The following CTNNA3 variants were observed in gnomAD, a reference collection of about 807,000 sequenced individuals.
CTNNA3 encodes catenin alpha-3.
A neutral mutation model predicts 95.7 loss-of-function variants in CTNNA3; 76 were observed. The ratio of observed to expected loss-of-function variants is 0.79; its 90% CI spans 0.66 to 0.96. The LOEUF is 0.96. CTNNA3 is among the 40% of genes least tolerant of loss of function. The pLI, the probability that CTNNA3 is intolerant of heterozygous loss-of-function variation, is 0.00. For missense variants in CTNNA3, 1,191 were observed against 1,089.8 expected, an observed-to-expected ratio of 1.09 and a Z score of -1.31; for synonymous variants, 431 against 374.4, an observed-to-expected ratio of 1.15 and a Z score of -1.74.
intron 1 of CTNNA3, among the ~76,000 whole-genome samples, chr10:67,649,256 A>C (rs1180858134): frequency 6.6e-6 from 1 of 152,234 alleles, no homozygotes; most frequent in Non-Finnish European, 1.5e-5. Context: ...CAGCCTTTAA[A>C]AACATGTCAT....
chr10:67,085,786 G>T (rs766899391), intron 7 of CTNNA3, among the ~76,000 whole-genome samples: 1 of 151,796 alleles, frequency 6.6e-6, no homozygotes, highest in Non-Finnish European at 1.5e-5. Context: ...TTACTAATAC[G>T]CAAGCCTGCA....
chr10:66,386,912 G>T (rs1279898962), intron 11 of CTNNA3, among the ~76,000 whole-genome samples: 1 of 152,132 alleles, frequency 6.6e-6, no homozygotes. Context: ...GCTAACACTG[G>T]ATCCCTTCCT....
chr10:66,819,341 A>C (rs1842215951), intron 7 of CTNNA3, among the ~76,000 whole-genome samples: 1 of 152,182 alleles, frequency 6.6e-6, no homozygotes, highest in South Asian at 2.1e-4. Flanking sequence ...AATCTAACTT[A>C]AAACGAATCA....
At chr10:66,803,245 C>G (rs1371536072) in intron 7 of CTNNA3, among the ~76,000 whole-genome samples, 2 of 152,058 alleles carry the variant, frequency 1.3e-5, no homozygotes, top group South Asian at 2.1e-4. Context: ...TTTCCTACCT[C>G]TAACTCTCAT....
At chr10:66,162,167 T>G (rs1212715061) in intron 13 of CTNNA3, among the ~76,000 whole-genome samples, 1 of 152,140 alleles carries the variant, frequency 6.6e-6, no homozygotes, top group East Asian at 1.9e-4. Flanking sequence ...CCTCCCTGAT[T>G]CATTTAATAA....
At chr10:66,692,347 G>A (rs1356148956) in intron 9 of CTNNA3, among the ~76,000 whole-genome samples, 1 of 152,148 alleles carries the variant, frequency 6.6e-6, no homozygotes, top group Non-Finnish European at 1.5e-5. Flanking sequence ...TGATCAACTG[G>A]AAGAAAGGGT....
rs1178103775 is a variant in CTNNA3, at chr10:67,726,438, TA to T, written c.-2+36995del. On this transcript the variant is annotated intron_variant, in intron 1 of 17. Transcript: ENST00000684154. ...ATAATATTATATATTATATCATATA[TA>T]ATATATAATATTATATATGATATAT... Among the ~76,000 whole-genome samples the T allele has an allele frequency of 4.2e-5, 3 of 71,630 alleles. No homozygotes were observed. In the South Asian group the frequency reaches 1.5e-3, roughly 35 times the overall value. The allele number at this position is 71,630 out of a possible 152,430, so 47.0% of individuals were successfully genotyped here.
chr10:66,821,036 G>A (rs971850709), intron 7 of CTNNA3, among the ~76,000 whole-genome samples: 2 of 151,840 alleles, frequency 1.3e-5, no homozygotes, highest in African/African-American at 4.8e-5. Flanking sequence ...ATCAGCATAC[G>A]TGATTTCTTA....
chr10:67,687,330 G>A (rs2133580454), intron 1 of CTNNA3, among the ~76,000 whole-genome samples: 1 of 152,316 alleles, frequency 6.6e-6, no homozygotes, highest in South Asian at 2.1e-4. Context: ...GGGGCAGTGA[G>A]CCTTCCAGTG....
chr10:67,031,352 G>T (rs188927031), intron 7 of CTNNA3, among the ~76,000 whole-genome samples: 3 of 152,122 alleles, frequency 2.0e-5, no homozygotes, highest in African/African-American at 7.2e-5. Context: ...GCAGATGATA[G>T]AAAAAATCAG....
At chr10:67,200,885 T>A (rs1025990283) in intron 6 of CTNNA3, among the ~76,000 whole-genome samples, 9 of 152,194 alleles carry the variant, frequency 5.9e-5, no homozygotes, top group Admixed American at 2.0e-4. Flanking sequence ...TTAGAAAATA[T>A]CAACTAAAAC....
At chr10:66,781,525 A>C (rs542916245) in intron 7 of CTNNA3, among the ~76,000 whole-genome samples, 2 of 152,330 alleles carry the variant, frequency 1.3e-5, no homozygotes, top group South Asian at 4.1e-4. Flanking sequence ...CTGATGGGGC[A>C]TGCTAAATGA....
intron 9 of CTNNA3, among the ~76,000 whole-genome samples, chr10:66,739,484 T>C (rs1024762295): frequency 5.3e-5 from 8 of 152,216 alleles, no homozygotes; most frequent in Non-Finnish European, 8.8e-5. Flanking sequence ...CCCACGAGCA[T>C]GTAAGGAAAG....
At chr10:67,043,293 T>C (rs1406528689) in intron 7 of CTNNA3, among the ~76,000 whole-genome samples, 1 of 152,102 alleles carries the variant, frequency 6.6e-6, no homozygotes. Flanking sequence ...ACATCATTCA[T>C]ATATTCTCTG....
intron 5 of CTNNA3, among the ~76,000 whole-genome samples, chr10:67,370,756 T>G (rs887857306): frequency 6.6e-6 from 1 of 152,194 alleles, no homozygotes; most frequent in Non-Finnish European, 1.5e-5. Context: ...TGTGTGTATA[T>G]GTACATATAA....
intron 6 of CTNNA3, among the ~76,000 whole-genome samples, chr10:67,180,982 A>C (rs1173789141): frequency 2.0e-5 from 3 of 152,184 alleles, no homozygotes; most frequent in Admixed American, 6.6e-5. Flanking sequence ...CACCATGAGG[A>C]AGTAGGCAGC....
chr10:67,292,006 C>T (rs1839855551), intron 5 of CTNNA3, among the ~76,000 whole-genome samples: 1 of 152,260 alleles, frequency 6.6e-6, no homozygotes, highest in African/African-American at 2.4e-5. Context: ...TAAGATTGGA[C>T]AAAAAGTTTA....
intron 9 of CTNNA3, among the ~76,000 whole-genome samples, chr10:66,742,802 A>G (rs1346081159): frequency 6.6e-6 from 1 of 152,026 alleles, no homozygotes; most frequent in Non-Finnish European, 1.5e-5. Flanking sequence ...GGTGTTCTCA[A>G]TTTCTGTTTA....
At chr10:66,604,869 C>T (rs1357091577) in intron 10 of CTNNA3, among the ~76,000 whole-genome samples, 1 of 151,356 alleles carries the variant, frequency 6.6e-6, no homozygotes, top group Non-Finnish European at 1.5e-5. Flanking sequence ...ACAACCAACA[C>T]AAGAACTCCA....
Sources: gnomAD v4.1 joint callset for allele counts (sites outside exome capture counted in the v4.1 genomes callset) on GRCh38, gnomAD v4.1.1 for gene constraint, MANE v1.5 for transcripts, NCBI Gene and HGNC (gene_info 2026-07-23, HGNC 2026-07-21) for gene names.